The following TAFA5 variants were observed in gnomAD, a reference collection of about 807,000 sequenced individuals.
TAFA5 encodes the protein TAFA chemokine like family member 5, also known as chemokine-like protein TAFA-5.
A neutral mutation model predicts 15.3 loss-of-function variants in TAFA5; 6 were observed. The ratio of observed to expected loss-of-function variants is 0.39; its 90% CI spans 0.21 to 0.77. The LOEUF is 0.77. TAFA5 is among the 30% of genes least tolerant of loss of function. The pLI, the probability that TAFA5 is intolerant of heterozygous loss-of-function variation, is 0.41. For synonymous variants in TAFA5, 103 were observed against 80.7 expected (o/e 1.28, Z -1.48); for missense variants, 161 against 193.1 (o/e 0.83, Z 0.98).
chr22:48,678,027 G>C (rs1435152640), intron 2 of TAFA5, among the ~76,000 whole-genome samples: 4 of 151,964 alleles, frequency 2.6e-5, no homozygotes, highest in African/African-American at 9.7e-5. Context: ...CAGGCCCCTG[G>C]GGCTCCCTAT....
At chr22:48,610,573 G>A (rs1230757936) in intron 1 of TAFA5, among the ~76,000 whole-genome samples, 15 of 98,080 alleles carry the variant, frequency 1.5e-4, no homozygotes, top group Admixed American at 4.1e-4. Flanking sequence ...GGACCACCAG[G>A]AGGGCTTTGT....
chr22:48,507,513 A>G (rs1921042426), intron 1 of TAFA5, among the ~76,000 whole-genome samples: 1 of 152,150 alleles, frequency 6.6e-6, no homozygotes, highest in Admixed American at 6.5e-5. Context: ...GCCCTGAGGA[A>G]TCTTCTGGAA....
At chr22:48,669,741 C>T (rs1053596812) in intron 2 of TAFA5, among the ~76,000 whole-genome samples, 3 of 152,200 alleles carry the variant, frequency 2.0e-5, no homozygotes, top group African/African-American at 4.8e-5. Context: ...TCAGGTAAGA[C>T]GTTTGTCACC....
chr22:48,653,984 C>T (rs576426054), intron 2 of TAFA5, among the ~76,000 whole-genome samples: 2 of 152,254 alleles, frequency 1.3e-5, no homozygotes, highest in East Asian at 1.9e-4. Context: ...CGAGCCTCTC[C>T]GTGTCCCGTC....
chr22:48,688,606 C>G (rs1928438251), intron 2 of TAFA5, among the ~76,000 whole-genome samples: 2 of 152,138 alleles, frequency 1.3e-5, no homozygotes, highest in Admixed American at 1.3e-4. Context: ...TGGCCGGCTC[C>G]TCCCTGGGTT....
At chr22:48,682,046 T>G (rs1004475966) in intron 2 of TAFA5, among the ~76,000 whole-genome samples, 2 of 148,456 alleles carry the variant, frequency 1.3e-5, no homozygotes, top group African/African-American at 4.9e-5. Flanking sequence ...AAGGCCGTCC[T>G]CAGCTTCCCA....
intron 2 of TAFA5, among the ~76,000 whole-genome samples, chr22:48,683,770 A>G (rs1400167179): frequency 6.6e-6 from 1 of 152,158 alleles, no homozygotes; most frequent in Non-Finnish European, 1.5e-5. Flanking sequence ...CCACATGTCG[A>G]GGGAGAGAGC....
At chr22:48,556,913 G>A (rs1923060488) in intron 1 of TAFA5, among the ~76,000 whole-genome samples, 1 of 152,198 alleles carries the variant, frequency 6.6e-6, no homozygotes, top group Admixed American at 6.5e-5. Context: ...GTGTCCTCAT[G>A]CACTCACTGG....
At chr22:48,645,986 GGGAGGGC>G (rs1926847517) in intron 1 of TAFA5, among the ~76,000 whole-genome samples, 1 of 152,204 alleles carries the variant, frequency 6.6e-6, no homozygotes, top group Non-Finnish European at 1.5e-5. Flanking sequence ...ACCGCGCTGT[GGGAGGGC>G]GGAGGAAATC....
intron 3 of TAFA5, among the ~76,000 whole-genome samples, chr22:48,726,182 T>C (rs1041703991): frequency 4.6e-5 from 7 of 152,262 alleles, no homozygotes; most frequent in African/African-American, 1.4e-4. Context: ...TTTGTTCTCA[T>C]TTCTATTTGT....
At position 48,553,223 on chromosome 22, in the gene TAFA5, C is replaced by T. The variant is rs372809371; in HGVS notation, c.112+63519C>T. 6.0e-4 allele frequency among the ~76,000 whole-genome samples: 92 copies of T among 152,278 alleles called. 1 individual carries two copies. The highest frequency in any genetic ancestry group is 1.9e-3 in the African/African-American group (79 of 41,570). ...GACCACCTTGACTCCACAGGCCCCC[C>T]GCTCTGTGCCCCTCCTGCCTGGCTC... is the stretch of plus-strand genomic sequence containing the variant. On this transcript the variant is annotated intron_variant, in intron 1 of 3. Transcript: ENST00000402357.
chr22:48,526,201 A>C (rs768419170), intron 1 of TAFA5, among the ~76,000 whole-genome samples: 5 of 152,092 alleles, frequency 3.3e-5, no homozygotes, highest in Non-Finnish European at 4.4e-5. Context: ...GTCTGGCCTC[A>C]TTCTCTCTTT....
chr22:48,600,395 C>T (rs866560305), intron 1 of TAFA5, among the ~76,000 whole-genome samples: 3 of 152,150 alleles, frequency 2.0e-5, no homozygotes, highest in Non-Finnish European at 2.9e-5. Flanking sequence ...GTGGAGGCCT[C>T]GCACCAGCTC....
intron 1 of TAFA5, among the ~76,000 whole-genome samples, chr22:48,632,264 G>A (rs1432343970): frequency 6.6e-6 from 1 of 152,128 alleles, no homozygotes; most frequent in Non-Finnish European, 1.5e-5. Context: ...GTGGGTTGAG[G>A]CTTTTCTGAT....
At chr22:48,678,009 A>G (rs922356271) in intron 2 of TAFA5, among the ~76,000 whole-genome samples, 1 of 150,500 alleles carries the variant, frequency 6.6e-6, no homozygotes, top group Non-Finnish European at 1.5e-5. Context: ...CCTGCATCCC[A>G]AACCTTCCAG....
intron 2 of TAFA5, among the ~76,000 whole-genome samples, chr22:48,686,338 C>T (rs763183048): frequency 3.3e-5 from 5 of 152,138 alleles, no homozygotes; most frequent in Non-Finnish European, 7.3e-5. Flanking sequence ...CCAGTAGGGT[C>T]GGGTTCTGGT....
At chr22:48,581,410 A>T (rs1371489901) in intron 1 of TAFA5, among the ~76,000 whole-genome samples, 1 of 152,122 alleles carries the variant, frequency 6.6e-6, no homozygotes, top group Non-Finnish European at 1.5e-5. Context: ...CATCTGTGGA[A>T]ACTCATCAGT....
chr22:48,716,223 G>A (rs1929396935), intron 3 of TAFA5, among the ~76,000 whole-genome samples: 1 of 152,156 alleles, frequency 6.6e-6, no homozygotes, highest in Non-Finnish European at 1.5e-5. Context: ...CCACACATAT[G>A]TATATTGCAG....
intron 2 of TAFA5, among the ~76,000 whole-genome samples, chr22:48,656,994 C>G (rs1927275811): frequency 6.6e-6 from 1 of 152,018 alleles, no homozygotes; most frequent in South Asian, 2.1e-4. Context: ...TGGTCTCAAA[C>G]TCATGGCCTC....
Sources: allele counts gnomAD v4.1 joint callset (sites outside exome capture counted in the v4.1 genomes callset), GRCh38; gene constraint gnomAD v4.1.1; transcripts MANE v1.5; gene names NCBI Gene and HGNC (gene_info 2026-07-23, HGNC 2026-07-21).